Variants in TRPM8 observed in about 807,000 individuals in gnomAD.
The protein encoded by TRPM8 is transient receptor potential cation channel subfamily M member 8, also known as TRPM8 cationic channel.
Under a neutral mutation model 133.7 loss-of-function variants are expected in TRPM8, and 110 were observed. The ratio of observed to expected loss-of-function variants is 0.82; its 90% confidence interval spans 0.70 to 0.96. The LOEUF is 0.96. Ranked by LOEUF, TRPM8 falls within the 40% of genes least tolerant of loss-of-function variation. The probability of loss-of-function intolerance (pLI) is 0.00; values close to 1 mark genes in which losing one functional copy is unlikely to be tolerated. For synonymous variants in TRPM8, 535 were observed against 532.3 expected (o/e 1.01, Z -0.07); for missense variants, 1,291 against 1,379.5 (o/e 0.94, Z 1.02).
intron 21 of TRPM8, among the ~76,000 whole-genome samples, chr2:233,991,000 G>A (rs941989487): frequency 6.6e-5 from 10 of 152,118 alleles, no homozygotes; most frequent in African/African-American, 2.4e-4. Context: ...ATTGTTGGCT[G>A]GGGGAGCCTA....
intron 15 of TRPM8, among the ~76,000 whole-genome samples, chr2:233,969,475 G>C (rs1691653254): frequency 6.6e-6 from 1 of 152,062 alleles, no homozygotes; most frequent in African/African-American, 2.4e-5. Context: ...CAGCAAGCGT[G>C]AAACTCCGTC....
chr2:233,935,231 T>C (rs1691766645), intron 3 of TRPM8, among the ~76,000 whole-genome samples: 1 of 152,192 alleles, frequency 6.6e-6, no homozygotes, highest in South Asian at 2.1e-4. Context: ...TGGAAGCAAA[T>C]GCTAACAGGA....
In TRPM8 at chr2:234,017,788, C is replaced by T. The variant is rs1692992775; in HGVS notation, c.*532C>T. On this transcript the variant is annotated 3_prime_UTR_variant, in exon 26 of 26. Coordinates refer to ENST00000324695, the MANE Select transcript of TRPM8 (RefSeq NM_024080.5). ...AACATGCTGCAGCAAGAGGACCCCG[C>T]TCTCTTCAGGAAAAGTGTTTTCATT... 6.3e-6 allele frequency: 1 copy of T among 158,588 alleles called. No individual in the cohort carries two copies. The highest frequency in any genetic ancestry group is 1.4e-5 in the Non-Finnish European group (1 of 72,626). The allele number at this position is 158,588 out of a possible 1,614,324, so 9.8% of individuals were successfully genotyped here.
At chr2:233,955,705 A>G (rs973669925) in intron 11 of TRPM8, among the ~76,000 whole-genome samples, 1 of 152,212 alleles carries the variant, frequency 6.6e-6, no homozygotes, top group Non-Finnish European at 1.5e-5. Flanking sequence ...AGTGAGATAC[A>G]TAAGAGACAA....
At chr2:233,918,360 T>C (rs1340268365) in intron 1 of TRPM8, among the ~76,000 whole-genome samples, 1 of 150,176 alleles carries the variant, frequency 6.7e-6, no homozygotes, top group East Asian at 1.9e-4. Flanking sequence ...AATTACATTA[T>C]AAATTATAAT....
chr2:233,945,457 G>A (rs1432570541), intron 6 of TRPM8, among the ~76,000 whole-genome samples: 2 of 152,112 alleles, frequency 1.3e-5, no homozygotes, highest in African/African-American at 4.8e-5. Flanking sequence ...GCATTTCAAT[G>A]TCTGCTTCTA....
chr2:234,009,656 C>T (rs1223649392), intron 24 of TRPM8, among the ~76,000 whole-genome samples: 1 of 152,120 alleles, frequency 6.6e-6, no homozygotes, highest in African/African-American at 2.4e-5. Flanking sequence ...CTCCCTTTCC[C>T]CTTGCTCTGT....
intron 1 of TRPM8, among the ~76,000 whole-genome samples, chr2:233,923,707 T>C (rs1691455637): frequency 6.6e-6 from 1 of 152,206 alleles, no homozygotes. Context: ...TCATGGGTCT[T>C]GAGACTTCTA....
chr2:233,970,462 C>G, intron 17 of TRPM8, 36 bp downstream of exon 17: 1 of 1,587,572 alleles, frequency 6.3e-7, no homozygotes, highest in Non-Finnish European at 8.6e-7. Flanking sequence ...CCCCTCGCTT[C>G]CTCGGTGGGA....
intron 12 of TRPM8, among the ~76,000 whole-genome samples, chr2:233,962,496 G>C (rs1691463971): frequency 6.6e-6 from 1 of 152,100 alleles, no homozygotes; most frequent in South Asian, 2.1e-4. Flanking sequence ...TAAACGACTT[G>C]CCTCAAATCC....
At chr2:233,965,290 C>T (rs757853786) in intron 14 of TRPM8, among the ~76,000 whole-genome samples, 1 of 152,172 alleles carries the variant, frequency 6.6e-6, no homozygotes, top group African/African-American at 2.4e-5. Flanking sequence ...ATAACAGTTG[C>T]CCTGCAGCTC....
chr2:233,940,823 C>A (rs1442429942), intron 5 of TRPM8, among the ~76,000 whole-genome samples: 1 of 152,166 alleles, frequency 6.6e-6, no homozygotes, highest in Non-Finnish European at 1.5e-5. Context: ...AATCTGCTTC[C>A]TTAAAGATAA....
intron 12 of TRPM8, among the ~76,000 whole-genome samples, chr2:233,961,462 C>G (rs760182400): frequency 6.6e-6 from 1 of 151,908 alleles, no homozygotes; most frequent in Non-Finnish European, 1.5e-5. Context: ...CCTGCCACCA[C>G]GTGTGGCTAA....
chr2:233,988,397 C>A (rs1692199594), intron 21 of TRPM8, among the ~76,000 whole-genome samples: 1 of 152,100 alleles, frequency 6.6e-6, no homozygotes, highest in African/African-American at 2.4e-5. Flanking sequence ...TGCATGGTAA[C>A]AACCTTCTCT....
intron 24 of TRPM8, among the ~76,000 whole-genome samples, chr2:234,012,292 C>T (rs372196833): frequency 5.9e-5 from 9 of 152,048 alleles, no homozygotes; most frequent in African/African-American, 9.6e-5. Context: ...GGATTACAGG[C>T]GTGCACCACC....
chr2:233,985,939 C>T lies in TRPM8; in HGVS notation c.2939+74C>T. On this transcript the variant is annotated intron_variant, in intron 21 of 25. Coordinates refer to ENST00000324695, the MANE Select transcript of TRPM8 (RefSeq NM_024080.5). ...CATGCCAGGCTGGAGGTGCTGGGAG[C>T]ATCGCAAAGGTCCCACCCTTGAGGA... 4 of 1,420,336 alleles carry T rather than the reference C, an allele frequency of 2.8e-6. No individual in the cohort carries two copies. In the South Asian group the frequency reaches 3.9e-5, roughly 14 times the overall value. 88.0% of individuals were successfully genotyped at this position (1,420,336 alleles called of 1,614,324 possible). A position where few individuals can be genotyped will look rare whatever the true frequency, so the allele number is the denominator to read the frequency against.
chr2:234,017,747 T>C lies in TRPM8; in HGVS notation c.*491T>C, dbSNP rs1559555367. ...GGCATATTGTTAAAAGTCTCTCAAA[T>C]TAGGCCAGATTCTAAAACATGCTGC... On this transcript the variant is annotated 3_prime_UTR_variant, in exon 26 of 26. Coordinates refer to ENST00000324695, the MANE Select transcript of TRPM8 (RefSeq NM_024080.5). The C allele has an allele frequency of 1.8e-5, 3 of 163,824 alleles. No individual in the cohort carries two copies. In the East Asian group the frequency reaches 5.5e-4, roughly 30 times the overall value. The allele number at this position is 163,824 out of a possible 1,614,324, so 10.1% of individuals were successfully genotyped here.
Position 233,980,207 on chromosome 2 carries a change from A to G in TRPM8, c.2375A>G (p.Asn792Ser), listed in dbSNP as rs200970660. The change falls in exon 18 of 26, where the codon AAT becomes AGT. Residue 792 changes from asparagine to serine, a missense_variant. By Grantham distance (46) the Asn-to-Ser change is conservative. This residue lies in a region of TRPM8 where 328 missense variants were observed against 410.6 expected (regional missense o/e 0.80). Transcript: ENST00000324695. The stretch of plus-strand genomic sequence containing the variant: ...ACGCAGTGGTACGTAAATGGGGTGA[A>G]TTATTTTACTGACCTGTGGAATGTG... ...EVRQWYVNGVNYFTDLWNVMD... is the reference protein window; with the variant it reads ...EVRQWYVNGVSYFTDLWNVMD... 20 of 1,603,170 alleles carry G rather than the reference A, an allele frequency of 1.2e-5. No individual in the cohort carries two copies. Among genetic ancestry groups the G allele is most frequent in the Non-Finnish European group, 1.6e-5 (19 of 1,175,904 alleles).
At chr2:233,979,870 G>A (rs1691962541) in intron 17 of TRPM8, among the ~76,000 whole-genome samples, 1 of 152,174 alleles carries the variant, frequency 6.6e-6, no homozygotes, top group South Asian at 2.1e-4. Context: ...ATGGTGGCTG[G>A]ACAGTCTACA....
Sources: gnomAD v4.1 joint callset for allele counts (sites outside exome capture counted in the v4.1 genomes callset) on GRCh38, gnomAD v4.1.1 for gene constraint, gnomAD v4.1.1 regional missense constraint, MANE v1.5 for transcripts, NCBI Gene and HGNC (gene_info 2026-07-23, HGNC 2026-07-21) for gene names.